EP400: variants seen among roughly 807,000 people sequenced by gnomAD.
EP400 encodes E1A-binding protein p400.
In EP400, 105 loss-of-function variants were observed where a neutral mutation model predicts 354.1. The observed-to-expected ratio is 0.30, with a 90% CI of 0.25 to 0.35. The LOEUF is 0.35. Ranked by LOEUF, EP400 falls within the 10% of genes least tolerant of loss-of-function variation. EP400 has a pLI of 1.00. For synonymous variants in EP400, 1,646 were observed against 1,716.9 expected, an observed-to-expected ratio of 0.96 and a Z score of 1.02; for missense variants, 3,280 against 4,121.0, an observed-to-expected ratio of 0.80 and a Z score of 5.59.
At chr12:132,053,015 C>T (rs930579460) in intron 41 of EP400, 131 bp from the exon 42 acceptor site, 2 of 930,972 alleles carry the variant, frequency 2.1e-6, no homozygotes, top group Admixed American at 3.9e-5. Context: ...CATTGGGCAC[C>T]TTGCTTTACG....
At position 132,029,790 on chromosome 12, in the gene EP400, T is replaced by C; in HGVS notation, c.5471T>C (p.Ile1824Thr). ...CCCCTGTACAGCCACAGAATGAGGA[T>C]CTTGAGGCAGGGCCTGAGAGAGCAC... The part of the protein sequence containing the change: ...PPPLYSHRMR[I>T]LRQGLREHAA... The change falls in exon 28 of 53, where the codon ATC (isoleucine) becomes ACC (threonine). Residue 1824 changes from isoleucine to threonine, a missense_variant. This residue lies in a region of EP400 where 459 missense variants were observed against 496.9 expected (regional missense o/e 0.92). Coordinates refer to ENST00000389561, the MANE Select transcript of EP400 (RefSeq NM_015409.5). This position sits in a 1 kb window ranked among gnomAD's most constrained non-coding sequence, Gnocchi z 4.7. 2 of 1,613,654 alleles carry C rather than the reference T, an allele frequency of 1.2e-6. No individual in the cohort carries two copies. The highest frequency in any genetic ancestry group is 1.7e-6 in the Non-Finnish European group (2 of 1,180,032).
Position 132,043,409 on chromosome 12 carries a change from C to A in EP400, c.6313C>A (p.Pro2105Thr). The A allele has an allele frequency of 2.5e-6, 4 of 1,613,568 alleles. No homozygotes were observed. Among genetic ancestry groups the A allele is most frequent in the Non-Finnish European group, 3.4e-6 (4 of 1,180,028 alleles). ...DALSSDSENM[P>T]CDEEPSQLEE... ...TCTGTCATCAGACTCTGAGAACATG[C>A]CGTGTGATGAAGAACCATCCCAATT... is the stretch of plus-strand genomic sequence containing the variant. The change falls in exon 33 of 53, where the codon CCG (proline) becomes ACG (threonine). Residue 2105 changes from proline to threonine, a missense_variant. Coordinates refer to ENST00000389561, the MANE Select transcript of EP400 (RefSeq NM_015409.5).
chr12:132,058,377 CAG>C (rs1469578332), intron 45 of EP400, among the ~76,000 whole-genome samples: 7 of 132,844 alleles, frequency 5.3e-5, no homozygotes, highest in Non-Finnish European at 1.1e-4. Context: ...TTTTTTGAGA[CAG>C]AGTCTCTCCC....
chr12:132,033,402 C>A (rs1035629445), intron 30 of EP400, among the ~76,000 whole-genome samples: 1 of 152,096 alleles, frequency 6.6e-6, no homozygotes, highest in Non-Finnish European at 1.5e-5. Context: ...GGTTGTGTGC[C>A]GAGCACATCC....
intron 11 of EP400, among the ~76,000 whole-genome samples, chr12:131,993,713 G>A (rs764917585): frequency 1.3e-5 from 2 of 152,188 alleles, no homozygotes; most frequent in African/African-American, 4.8e-5. Flanking sequence ...CTGCACACAG[G>A]TGACTCTCCT....
intron 52 of EP400, among the ~76,000 whole-genome samples, 170 bp downstream of exon 52, chr12:132,076,763 G>A (rs1207943050): frequency 3.9e-5 from 6 of 152,254 alleles, no homozygotes; most frequent in African/African-American, 1.2e-4. Context: ...GTGAACAAGC[G>A]TTTAGAGGTT....
intron 30 of EP400, among the ~76,000 whole-genome samples, chr12:132,032,462 T>G (rs1336316269): frequency 1.3e-5 from 2 of 152,242 alleles, no homozygotes; most frequent in African/African-American, 4.8e-5. Flanking sequence ...CATCTTGCCA[T>G]CTTCAGTTTT....
At chr12:132,031,431 G>A (rs563307026) in intron 29 of EP400, 39 of 513,376 alleles carry the variant, frequency 7.6e-5, no homozygotes, top group Admixed American at 6.8e-4. Flanking sequence ...GTGCATGAGG[G>A]TGTTGGCGAT....
Position 132,062,649 on chromosome 12 carries a change from A to G in EP400, c.8282A>G (p.Gln2761Arg). The stretch of plus-strand genomic sequence containing the variant: ...TCTCAGGTGCAAGTTCCACAGATCC[A>G]GGGCCAGGCCCAGTCCCCAGCACAG... ...TTSQVQVPQI[Q>R]GQAQSPAQIK... The change falls in exon 47 of 53, where the codon CAG (glutamine) becomes CGG (arginine). Residue 2761 changes from glutamine to arginine, a missense_variant. This residue lies in a region of EP400 where 47 missense variants were observed against 55.6 expected (regional missense o/e 0.85). Coordinates refer to ENST00000389561, the MANE Select transcript of EP400 (RefSeq NM_015409.5). 6.2e-7 allele frequency: 1 copy of G among 1,614,148 alleles called. No homozygotes were observed. The highest frequency in any genetic ancestry group is 8.5e-7 in the Non-Finnish European group (1 of 1,180,004).
At position 132,018,327 on chromosome 12, in the gene EP400, T is replaced by TCAGCAGCCC. The variant is rs753350755; in HGVS notation, c.4238_4246dup (p.Pro1413_Ala1415dup). On this transcript the variant is annotated inframe_insertion, in exon 21 of 53. Transcript: ENST00000389561. The surrounding 1 kb of genome is among the most constrained non-coding windows in gnomAD (Gnocchi z 4.0). Reference sequence around the variant, plus strand: ...GAAACTCATGGAGGAAATCTCCACTTCAGCAGCCCCAGCAGCCCGACCAGC... The same window carrying TCAGCAGCCC: ...GAAACTCATGGAGGAAATCTCCACTTCAGCAGCCCCAGCAGCCCCAGCAGCCCGACCAGC... The TCAGCAGCCC allele has an allele frequency of 6.2e-6, 10 of 1,612,914 alleles. No individual in the cohort carries two copies. In the Admixed American group the frequency reaches 1.2e-4, roughly 19 times the overall value.
At chr12:131,967,526 TAAAAAA>T (rs948291181) in intron 2 of EP400, among the ~76,000 whole-genome samples, 1 of 142,762 alleles carries the variant, frequency 7.0e-6, no homozygotes, top group Non-Finnish European at 1.5e-5. Context: ...CATCTCTACT[TAAAAAA>T]AAAAAAAATT....
At chr12:132,076,984 C>T (rs527287274) in intron 52 of EP400, among the ~76,000 whole-genome samples, 4 of 152,250 alleles carry the variant, frequency 2.6e-5, no homozygotes, top group African/African-American at 7.2e-5. Context: ...GCCCTTCAGG[C>T]GCTTTCACTG....
chr12:132,063,542 A>G (rs1895778569), intron 47 of EP400, among the ~76,000 whole-genome samples: 1 of 152,246 alleles, frequency 6.6e-6, no homozygotes, highest in Admixed American at 6.5e-5. Flanking sequence ...CCATAAATGA[A>G]AAATCATTAA....
Position 131,990,650 on chromosome 12 carries a change from A to T in EP400, c.2565A>T (p.Lys855Asn). 1 of 1,611,560 alleles carries T rather than the reference A, an allele frequency of 6.2e-7. No homozygotes were observed. Among genetic ancestry groups the T allele is most frequent in the Non-Finnish European group, 8.5e-7 (1 of 1,178,224 alleles). Reference sequence around the variant, plus strand: ...TTTGCATTTAGGTTGTGGAAATAAAACTACGAGTAGAATTAGAAGAAAAAA... The same window carrying T: ...TTTGCATTTAGGTTGTGGAAATAAATCTACGAGTAGAATTAGAAGAAAAAA... ...WSNIEQVVEI[K>N]LRVELEEKRK... Residue 855 changes from lysine (K) to asparagine (N), a missense_variant, in exon 9 of 53, where the codon AAA becomes AAT. Around this residue, in one of 20 missense-constraint regions of EP400, gnomAD observed 800 missense variants for 840.0 expected, o/e 0.95. Transcript: ENST00000389561. The surrounding 1 kb of genome is among the most constrained non-coding windows in gnomAD (Gnocchi z 4.2).
At position 132,038,343 on chromosome 12, in the gene EP400, C is replaced by T. The variant is rs1326596889; in HGVS notation, c.6207+247C>T. Among the ~76,000 whole-genome samples the T allele has an allele frequency of 1.3e-5, 2 of 152,210 alleles. No homozygotes were observed. ...GGCCTGTCACCGAAGCAGTCGCTGCCGTCTTCATCTGCACTTTGCCACAGT... is the reference window on the plus strand; with the variant it reads ...GGCCTGTCACCGAAGCAGTCGCTGCTGTCTTCATCTGCACTTTGCCACAGT... On this transcript the variant is annotated intron_variant, in intron 32 of 52. Transcript: ENST00000389561. This position sits in a 1 kb window ranked among gnomAD's most constrained non-coding sequence, Gnocchi z 4.2.
At position 132,067,084 on chromosome 12, in the gene EP400, G is replaced by A. The variant is rs1478599974; in HGVS notation, c.8749+115G>A. 12 of 1,319,220 alleles carry A rather than the reference G, an allele frequency of 9.1e-6. No individual in the cohort carries two copies. Among genetic ancestry groups the A allele is most frequent in the East Asian group, 2.6e-5 (1 of 38,140 alleles). The allele number at this position is 1,319,220 out of a possible 1,614,324, so 81.7% of individuals were successfully genotyped here. On this transcript the variant is annotated intron_variant, in intron 49 of 52. Coordinates refer to ENST00000389561, the MANE Select transcript of EP400 (RefSeq NM_015409.5). The surrounding 1 kb of genome is among the most constrained non-coding windows in gnomAD (Gnocchi z 5.3). ...TTTCCTCACACCCACCCACTTGAGC[G>A]TGCCATCACGTGTTCTAGCACAAAC... is the stretch of plus-strand genomic sequence containing the variant.
rs1555223310 is a variant in EP400, at chr12:132,062,548, A to ACAACAG, written c.8183_8184insACAGCA (p.Gln2747_Gln2748dup). 3 of 1,564,172 alleles carry ACAACAG rather than the reference A, an allele frequency of 1.9e-6. No individual in the cohort carries two copies. Among genetic ancestry groups the ACAACAG allele is most frequent in the African/African-American group, 2.7e-5 (2 of 72,842 alleles). On this transcript the variant is annotated inframe_insertion, in exon 47 of 53. Coordinates refer to ENST00000389561, the MANE Select transcript of EP400 (RefSeq NM_015409.5). Reference sequence around the variant, plus strand: ...GGCAGCAGCAGCAGCAGCAGCAACAACAGCAGCAGCAGCAGCAGCAGCAGC... The same window carrying ACAACAG: ...GGCAGCAGCAGCAGCAGCAGCAACAACAACAGCAGCAGCAGCAGCAGCAGCAGCAGC...
In EP400 at chr12:131,966,562, CAAAAAAA is replaced by C. The variant is rs534384776; in HGVS notation, c.1335+4627_1335+4633del. 8.7e-3 allele frequency among the ~76,000 whole-genome samples: 500 copies of C among 57,518 alleles called. 3 individuals carry two copies. The highest frequency in any genetic ancestry group is 0.019 in the African/African-American group (339 of 17,422). The allele number at this position is 57,518 out of a possible 152,430, so 37.7% of individuals were successfully genotyped here. A position where few individuals can be genotyped will look rare whatever the true frequency, so the allele number is the denominator to read the frequency against. ...TGGGCCACAGAGTGATACCCTACCTCAAAAAAAAAAAAAAAAAAAAAAAAAGACCACC... is the reference window on the plus strand; with the variant it reads ...TGGGCCACAGAGTGATACCCTACCTCAAAAAAAAAAAAAAAAAAGACCACC... On this transcript the variant is annotated intron_variant, in intron 2 of 52. Transcript: ENST00000389561.
intron 41 of EP400, 61 bp from the exon 42 acceptor site, chr12:132,053,085 G>A (rs1051847382): frequency 5.1e-6 from 8 of 1,558,828 alleles, no homozygotes; most frequent in Non-Finnish European, 6.2e-6. Flanking sequence ...TCTAGGGTAC[G>A]TGGTACTTGT....
Sources: gnomAD v4.1 joint callset for allele counts (sites outside exome capture counted in the v4.1 genomes callset) on GRCh38, gnomAD v4.1.1 for gene constraint, gnomAD v4.1.1 regional missense constraint, Gnocchi (gnomAD v3.1) non-coding constraint, MANE v1.5 for transcripts, NCBI Gene and HGNC (gene_info 2026-07-23, HGNC 2026-07-21) for gene names.